RALYL: variants seen among roughly 807,000 people sequenced by gnomAD.
RALYL encodes the protein RALY RNA binding protein like.
RALYL carries 29 observed loss-of-function variants against 35.1 expected under a neutral mutation model. That is an observed-to-expected ratio of 0.83 (90% CI 0.61 to 1.13). RALYL has a LOEUF of 1.13. RALYL is among the 50% of genes most tolerant of loss of function. The pLI, the probability that RALYL is intolerant of heterozygous loss-of-function variation, is 0.00. For missense variants in RALYL, 359 were observed against 360.4 expected (o/e 1.00, Z 0.03); for synonymous variants, 120 against 127.6 (o/e 0.94, Z 0.40).
intron 4 of RALYL, among the ~76,000 whole-genome samples, chr8:84,834,843 A>G (rs1221460431): frequency 6.6e-6 from 1 of 152,242 alleles, no homozygotes; most frequent in Non-Finnish European, 1.5e-5. Context: ...AAAGTTCCAC[A>G]GATGTGTAAC....
At position 84,315,698 on chromosome 8, in the gene RALYL, A is replaced by G. The variant is rs147653524; in HGVS notation, c.-24+131274A>G. Among the ~76,000 whole-genome samples the G allele has an allele frequency of 5.0e-3, 765 of 152,184 alleles. 9 individuals are homozygous for G. Among genetic ancestry groups the G allele is most frequent in the African/African-American group, 0.018 (743 of 41,562 alleles). On this transcript the variant is annotated intron_variant, in intron 1 of 8. Coordinates refer to ENST00000521268, the MANE Select transcript of RALYL (RefSeq NM_173848.7). ...ATATATTGAAGTACAATGAGAATTC[A>G]TGTAGCCTTTACAAGCATGTAGCCC...
chr8:84,263,929 G>A (rs905992646), intron 1 of RALYL, among the ~76,000 whole-genome samples: 4 of 152,070 alleles, frequency 2.6e-5, no homozygotes, highest in African/African-American at 9.7e-5. Flanking sequence ...CCATGTCCCT[G>A]CAAAGGACAT....
intron 1 of RALYL, among the ~76,000 whole-genome samples, chr8:84,248,712 T>G (rs1018812930): frequency 3.3e-5 from 5 of 152,086 alleles, no homozygotes; most frequent in African/African-American, 4.8e-5. Flanking sequence ...ATCTATCATA[T>G]TGAATGTTGG....
chr8:84,500,074 A>G (rs2056498142), intron 1 of RALYL, among the ~76,000 whole-genome samples: 1 of 152,050 alleles, frequency 6.6e-6, no homozygotes, highest in Non-Finnish European at 1.5e-5. Context: ...TAAATAATTT[A>G]TTTTCTACCA....
intron 3 of RALYL, among the ~76,000 whole-genome samples, chr8:84,785,809 C>T (rs899770641): frequency 2.0e-5 from 3 of 152,036 alleles, no homozygotes; most frequent in Non-Finnish European, 4.4e-5. Context: ...CATGAAAAAA[C>T]TTAGCATTTG....
chr8:84,862,520 C>A, intron 6 of RALYL, 67 bp downstream of exon 6: 2 of 1,230,390 alleles, frequency 1.6e-6, no homozygotes, highest in Non-Finnish European at 1.1e-6. Flanking sequence ...TGCACGAATG[C>A]CTATATTCAA....
chr8:84,520,651 T>A (rs996101624), intron 1 of RALYL, among the ~76,000 whole-genome samples: 1 of 152,204 alleles, frequency 6.6e-6, no homozygotes, highest in African/African-American at 2.4e-5. Context: ...CTGCCTGAAC[T>A]CTGCCTCCTG....
At chr8:84,681,274 T>C (rs1029615276) in intron 2 of RALYL, among the ~76,000 whole-genome samples, 6 of 152,224 alleles carry the variant, frequency 3.9e-5, no homozygotes, top group African/African-American at 1.2e-4. Flanking sequence ...TAGTTTGAAG[T>C]CAGGTAGCAT....
intron 2 of RALYL, among the ~76,000 whole-genome samples, chr8:84,598,580 G>T (rs1485633241): frequency 6.6e-6 from 1 of 152,096 alleles, no homozygotes; most frequent in Non-Finnish European, 1.5e-5. Flanking sequence ...AAATATCATT[G>T]TCTCACACTT....
Position 84,553,396 on chromosome 8 carries a change from A to T in RALYL, c.256+23819A>T, listed in dbSNP as rs1037346594. Reference sequence around the variant, plus strand: ...CAGGCAGGTCTCTTGGCCTCAGGTGATCCTCCCATCTCAGCCTCCCAAAGT... The same window carrying T: ...CAGGCAGGTCTCTTGGCCTCAGGTGTTCCTCCCATCTCAGCCTCCCAAAGT... On this transcript the variant is annotated intron_variant, in intron 2 of 8. Transcript: ENST00000521268. 8.9e-4 allele frequency among the ~76,000 whole-genome samples: 135 copies of T among 152,250 alleles called. 1 individual carries two copies. The highest frequency in any genetic ancestry group is 1.5e-3 in the Non-Finnish European group (104 of 68,026).
At chr8:84,902,680 T>A (rs1364878964) in intron 8 of RALYL, among the ~76,000 whole-genome samples, 1 of 152,148 alleles carries the variant, frequency 6.6e-6, no homozygotes, top group Non-Finnish European at 1.5e-5. Flanking sequence ...CCTTACAAAG[T>A]GCAGATATAC....
chr8:84,373,259 T>C (rs998109855), intron 1 of RALYL, among the ~76,000 whole-genome samples: 2 of 151,896 alleles, frequency 1.3e-5, no homozygotes, highest in African/African-American at 4.8e-5. Flanking sequence ...TTTGTTAAAA[T>C]TGCTTTCGGC....
intron 1 of RALYL, among the ~76,000 whole-genome samples, chr8:84,386,888 A>G (rs1859327333): frequency 6.6e-6 from 1 of 151,814 alleles, no homozygotes; most frequent in South Asian, 2.1e-4. Flanking sequence ...TCACCTCAAT[A>G]ACTGACACCT....
chr8:84,645,912 T>C (rs1408916983), intron 2 of RALYL, among the ~76,000 whole-genome samples: 1 of 152,090 alleles, frequency 6.6e-6, no homozygotes. Flanking sequence ...TGAGGATACT[T>C]TATGTTTTTT....
At chr8:84,337,166 C>A (rs1014875157) in intron 1 of RALYL, among the ~76,000 whole-genome samples, 1 of 151,562 alleles carries the variant, frequency 6.6e-6, no homozygotes, top group Non-Finnish European at 1.5e-5. Flanking sequence ...TAGACTGTTA[C>A]TATTTTGTTT....
chr8:84,345,826 A>G (rs1849737961), intron 1 of RALYL, among the ~76,000 whole-genome samples: 1 of 152,124 alleles, frequency 6.6e-6, no homozygotes, highest in Admixed American at 6.6e-5. Context: ...CACAGAGGCT[A>G]GTGGGGTTGA....
At chr8:84,500,729 A>G (rs2134208338) in intron 1 of RALYL, among the ~76,000 whole-genome samples, 1 of 152,290 alleles carries the variant, frequency 6.6e-6, no homozygotes, top group South Asian at 2.1e-4. Context: ...ATATTAGAAT[A>G]ATGACTGGCC....
At chr8:84,675,201 A>T (rs1833959717) in intron 2 of RALYL, among the ~76,000 whole-genome samples, 1 of 152,080 alleles carries the variant, frequency 6.6e-6, no homozygotes, top group Admixed American at 6.6e-5. Flanking sequence ...ATAAACTTGA[A>T]TTTTTCACTA....
At position 84,612,689 on chromosome 8, in the gene RALYL, A is replaced by G. The variant is rs376327389; in HGVS notation, c.256+83112A>G. Among the ~76,000 whole-genome samples, 152 of 151,734 alleles carry G rather than the reference A, an allele frequency of 1.0e-3. 5 individuals carry two copies. Among genetic ancestry groups the G allele is most frequent in the African/African-American group, 3.4e-3 (140 of 41,208 alleles). On this transcript the variant is annotated intron_variant, in intron 2 of 8. Coordinates refer to ENST00000521268, the MANE Select transcript of RALYL (RefSeq NM_173848.7). ...ACAAAAATAATTTGAATTTTAGACA[A>G]CTCTGTGCTATTTGGGAGTATTACT...
Sources: gnomAD v4.1 joint callset for allele counts (sites outside exome capture counted in the v4.1 genomes callset) on GRCh38, gnomAD v4.1.1 for gene constraint, MANE v1.5 for transcripts, NCBI Gene and HGNC (gene_info 2026-07-23, HGNC 2026-07-21) for gene names.